ANO5: variants seen among roughly 807,000 people sequenced by gnomAD.
ANO5 encodes anoctamin 5.
ANO5 carries 109 observed loss-of-function variants against 121.0 expected under a neutral mutation model. The ratio of observed to expected loss-of-function variants is 0.90; its 90% confidence interval spans 0.77 to 1.06. ANO5 has a LOEUF of 1.06. Ranked by LOEUF, ANO5 falls within the 50% of genes least tolerant of loss-of-function variation. ANO5 has a pLI of 0.00. For synonymous variants in ANO5, 406 were observed against 359.9 expected, an observed-to-expected ratio of 1.13 and a Z score of -1.45; for missense variants, 1,064 against 1,078.5, an observed-to-expected ratio of 0.99 and a Z score of 0.19.
intron 4 of ANO5, 79 bp from the exon 5 acceptor site, chr11:22,221,018 T>C: frequency 9.6e-7 from 1 of 1,045,846 alleles, no homozygotes; most frequent in Non-Finnish European, 1.5e-6. Context: ...TTGACTAAAT[T>C]ATAAATAATT....
At chr11:22,209,948 TG>T (rs1341902219) in intron 2 of ANO5, among the ~76,000 whole-genome samples, 1 of 151,982 alleles carries the variant, frequency 6.6e-6, no homozygotes, top group Non-Finnish European at 1.5e-5. Context: ...ATAATAAATT[TG>T]TTTATTGTCT....
intron 4 of ANO5, 47 bp downstream of exon 4, chr11:22,218,334 G>A: frequency 6.2e-7 from 1 of 1,602,830 alleles, no homozygotes; most frequent in Non-Finnish European, 8.5e-7. Flanking sequence ...AATGGCTGCA[G>A]TGGTAGCCTT....
Position 22,252,669 on chromosome 11 carries a change from AT to A in ANO5, c.1180+1662del, listed in dbSNP as rs1347283299. Among the ~76,000 whole-genome samples the A allele has an allele frequency of 2.0e-5, 3 of 152,270 alleles. No homozygotes were observed. The East Asian group carries it at 5.8e-4, about 29-fold the overall frequency. ...TTGATCTCATTCGTAGTCAATGGAC[AT>A]TTTAATATATATTACTGGTCATAAA... On this transcript the variant is annotated intron_variant, in intron 12 of 21. Coordinates refer to ENST00000324559, the MANE Select transcript of ANO5 (RefSeq NM_213599.3).
chr11:22,220,489 A>C (rs77350660), intron 4 of ANO5, among the ~76,000 whole-genome samples: 12 of 151,638 alleles, frequency 7.9e-5, no homozygotes, highest in African/African-American at 2.9e-4. Context: ...GCAAATTTAA[A>C]AAAGGATTGA....
chr11:22,231,741 T>A (rs1853048301), intron 7 of ANO5, among the ~76,000 whole-genome samples: 1 of 152,008 alleles, frequency 6.6e-6, no homozygotes, highest in African/African-American at 2.4e-5. Flanking sequence ...TCTAAGGACA[T>A]GCACATTTAA....
chr11:22,254,708 T>G (rs747912300), intron 12 of ANO5, among the ~76,000 whole-genome samples: 1 of 152,114 alleles, frequency 6.6e-6, no homozygotes, highest in Non-Finnish European at 1.5e-5. Flanking sequence ...ATTTTGTGAA[T>G]TTTTTTGAAT....
chr11:22,260,480 G>A (rs1254494254), intron 15 of ANO5, among the ~76,000 whole-genome samples: 4 of 152,134 alleles, frequency 2.6e-5, no homozygotes, highest in Non-Finnish European at 5.9e-5. Context: ...TTCAGTCAGC[G>A]CTGGAATGAT....
At chr11:22,215,641 C>G (rs552413848) in intron 3 of ANO5, among the ~76,000 whole-genome samples, 5 of 151,920 alleles carry the variant, frequency 3.3e-5, no homozygotes, top group Non-Finnish European at 7.4e-5. Context: ...CAACAACATG[C>G]ATTATATTCT....
rs137854524 is a variant in ANO5 at position 22,255,485 on chromosome 11, C to G, written c.1295C>G (p.Ala432Gly). ...CTTCAGCTGAGACCAGAATTTGAAG[C>G]TATGTGTAAACACAGGAAATTGAAT... ...QQLQLRPEFEAMCKHRKLNAV... is the reference protein window; with the variant it reads ...QQLQLRPEFEGMCKHRKLNAV... The change falls in exon 13 of 22, where the codon GCT becomes GGT. Residue 432 changes from alanine to glycine, a missense_variant. Physicochemically the swap from Ala to Gly is moderately conservative, Grantham distance 60 (BLOSUM62 0). Transcript: ENST00000324559. The G allele has an allele frequency of 1.1e-5, 17 of 1,613,304 alleles. No homozygotes were observed. The highest frequency in any genetic ancestry group is 1.4e-5 in the Non-Finnish European group (17 of 1,179,582).
rs12577928 is a variant in ANO5, at chr11:22,225,064, A to G, written c.295-920A>G. On this transcript the variant is annotated intron_variant, in intron 5 of 21. Coordinates refer to ENST00000324559, the MANE Select transcript of ANO5 (RefSeq NM_213599.3). ...ATAATGCATTTATTACTACTGAACTATACACTTAAAAATGGTAAAGATGGT... is the reference window on the plus strand; with the variant it reads ...ATAATGCATTTATTACTACTGAACTGTACACTTAAAAATGGTAAAGATGGT... Among the ~76,000 whole-genome samples the G allele has an allele frequency of 0.014, 2,058 of 152,198 alleles. 154 individuals are homozygous for G. The East Asian group carries it at 0.21, about 16-fold the overall frequency.
At chr11:22,269,583 GAAAGAGAA>G (rs1392458956) in intron 17 of ANO5, among the ~76,000 whole-genome samples, 1 of 151,668 alleles carries the variant, frequency 6.6e-6, no homozygotes, top group East Asian at 1.9e-4. Context: ...AAAAAAGAAA[GAAAGAGAA>G]AGAAAGAGTT....
At chr11:22,214,991 G>A (rs1362171826) in intron 3 of ANO5, among the ~76,000 whole-genome samples, 1 of 151,964 alleles carries the variant, frequency 6.6e-6, no homozygotes, top group Non-Finnish European at 1.5e-5. Flanking sequence ...GAGATTGTCA[G>A]TATAGAAATG....
chr11:22,282,688 C>T lies in ANO5; in HGVS notation c.*2923C>T, dbSNP rs1855124692. ...GTGAGAGAAAAGCTAAAGAAAATTT[C>T]AATGTGACCACTATTATGTGTCAAA... On this transcript the variant is annotated 3_prime_UTR_variant, in exon 22 of 22. Coordinates refer to ENST00000324559, the MANE Select transcript of ANO5 (RefSeq NM_213599.3). 6.6e-6 allele frequency: 1 copy of T among 152,098 alleles called. No homozygotes were observed. 9.4% of individuals were successfully genotyped at this position (152,098 alleles called of 1,614,324 possible). A position where few individuals can be genotyped will look rare whatever the true frequency, so the allele number is the denominator to read the frequency against.
chr11:22,282,858 T>A lies in ANO5; in HGVS notation c.*3093T>A, dbSNP rs1350956055. The A allele has an allele frequency of 6.6e-6, 1 of 152,190 alleles. No homozygotes were observed. Among genetic ancestry groups the A allele is most frequent in the Non-Finnish European group, 1.5e-5 (1 of 68,016 alleles). 9.4% of individuals were successfully genotyped at this position (152,190 alleles called of 1,614,324 possible). On this transcript the variant is annotated 3_prime_UTR_variant, in exon 22 of 22. Transcript: ENST00000324559. Reference sequence around the variant, plus strand: ...TATTGTTTTGAAAGAAACTCTCTCATATTTCCTTTAAATTGTTAATAGTTG... The same window carrying A: ...TATTGTTTTGAAAGAAACTCTCTCAAATTTCCTTTAAATTGTTAATAGTTG...
intron 4 of ANO5, among the ~76,000 whole-genome samples, chr11:22,220,236 A>C (rs1017740096): frequency 2.0e-5 from 3 of 152,016 alleles, no homozygotes; most frequent in Non-Finnish European, 4.4e-5. Flanking sequence ...AAACTATCTA[A>C]TTGACAGCCA....
At chr11:22,218,102 C>A (rs1418641420) in intron 3 of ANO5, 144 bp from the exon 4 acceptor site, 3 of 861,182 alleles carry the variant, frequency 3.5e-6, no homozygotes, top group African/African-American at 3.5e-5. Flanking sequence ...TTTGTATCCT[C>A]CAGTTTGAAA....
chr11:22,229,050 G>A lies in ANO5; in HGVS notation c.648+1464G>A, dbSNP rs763568654. Among the ~76,000 whole-genome samples the A allele has an allele frequency of 2.0e-5, 3 of 151,746 alleles. No homozygotes were observed. The East Asian group carries it at 5.8e-4, about 29-fold the overall frequency. On this transcript the variant is annotated intron_variant, in intron 7 of 21. Coordinates refer to ENST00000324559, the MANE Select transcript of ANO5 (RefSeq NM_213599.3). ...CTCTATATTTAATTTTTTGAGGACC[G>A]TCCATATTGTCTTTCATAATGGCTA...
chr11:22,202,134 C>G (rs957154232), intron 1 of ANO5, among the ~76,000 whole-genome samples: 6 of 151,580 alleles, frequency 4.0e-5, no homozygotes, highest in African/African-American at 9.7e-5. Flanking sequence ...CTTATACTAG[C>G]AAAGCTATGA....
chr11:22,274,394 T>C lies in ANO5; in HGVS notation c.2236-175T>C, dbSNP rs113871045. On this transcript the variant is annotated intron_variant, in intron 19 of 21. Coordinates refer to ENST00000324559, the MANE Select transcript of ANO5 (RefSeq NM_213599.3). Reference sequence around the variant, plus strand: ...AAATCTTGGAATACTGATCACACACTGTAAATGAGCTACTTTGTGTTTCAG... The same window carrying C: ...AAATCTTGGAATACTGATCACACACCGTAAATGAGCTACTTTGTGTTTCAG... Among the ~76,000 whole-genome samples the C allele has an allele frequency of 1.6e-3, 248 of 152,250 alleles. 2 individuals carry two copies. Among genetic ancestry groups the C allele is most frequent in the African/African-American group, 5.7e-3 (235 of 41,564 alleles).
Sources: allele counts gnomAD v4.1 joint callset (sites outside exome capture counted in the v4.1 genomes callset), GRCh38; gene constraint gnomAD v4.1.1; transcripts MANE v1.5; gene names NCBI Gene and HGNC (gene_info 2026-07-23, HGNC 2026-07-21).